The following GRK5 variants were observed in gnomAD, a reference collection of about 807,000 sequenced individuals.
The protein encoded by GRK5 is g protein-coupled receptor kinase GRK5.
A neutral mutation model predicts 78.4 loss-of-function variants in GRK5; 40 were observed. The observed-to-expected ratio is 0.51, with a 90% CI of 0.40 to 0.66. GRK5 has a LOEUF of 0.66. Ranked by LOEUF, GRK5 falls within the 30% of genes least tolerant of loss-of-function variation. GRK5 has a pLI of 0.00. For missense variants in GRK5, 598 were observed against 759.9 expected (o/e 0.79, Z 2.50); for synonymous variants, 289 against 296.8 (o/e 0.97, Z 0.27).
chr10:119,229,895 T>G (rs1393707043), intron 1 of GRK5, among the ~76,000 whole-genome samples: 4 of 152,240 alleles, frequency 2.6e-5, no homozygotes, highest in African/African-American at 7.2e-5. Context: ...CTTTTGCACA[T>G]GACAAATCTG....
intron 1 of GRK5, among the ~76,000 whole-genome samples, chr10:119,245,043 C>T (rs185451812): frequency 3.3e-5 from 5 of 152,126 alleles, no homozygotes; most frequent in African/African-American, 7.2e-5. Context: ...TTTGGGAGGC[C>T]GAGGTGGGTG....
intron 13 of GRK5, among the ~76,000 whole-genome samples, chr10:119,448,888 A>G (rs1423438148): frequency 6.6e-6 from 1 of 152,226 alleles, no homozygotes. Context: ...CAGCTGGATC[A>G]GAGGCCCAAG....
chr10:119,239,625 G>A (rs1184302233), intron 1 of GRK5, among the ~76,000 whole-genome samples: 2 of 152,112 alleles, frequency 1.3e-5, no homozygotes, highest in Non-Finnish European at 2.9e-5. Context: ...GTGGCTTGCT[G>A]CATCCATCAA....
At position 119,227,913 on chromosome 10, in the gene GRK5, C is replaced by A. The variant is rs1224324353; in HGVS notation, c.52+19944C>A. Among the ~76,000 whole-genome samples the A allele has an allele frequency of 2.6e-5, 4 of 151,950 alleles. No homozygotes were observed. The East Asian group carries it at 7.7e-4, about 29-fold the overall frequency. Reference sequence around the variant, plus strand: ...ATTTTGGTAATATAGACATCAAAAGCCTTAAAATTGGGTAACCCTTGACCT... The same window carrying A: ...ATTTTGGTAATATAGACATCAAAAGACTTAAAATTGGGTAACCCTTGACCT... On this transcript the variant is annotated intron_variant, in intron 1 of 15. Transcript: ENST00000392870.
At chr10:119,283,658 C>T (rs774278826) in intron 1 of GRK5, among the ~76,000 whole-genome samples, 2 of 152,182 alleles carry the variant, frequency 1.3e-5, no homozygotes, top group Non-Finnish European at 2.9e-5. Context: ...GGGAACATTG[C>T]CTTCTTCTGC....
Position 119,228,781 on chromosome 10 carries a change from G to A in GRK5, c.52+20812G>A, listed in dbSNP as rs145706930. Among the ~76,000 whole-genome samples, 1,109 of 152,224 alleles carry A rather than the reference G, an allele frequency of 7.3e-3. 3 individuals are homozygous for A. The highest frequency in any genetic ancestry group is 0.044 in the Middle Eastern group (13 of 294). ...AAAAGATGTCTTTTTTGGGGAGGGG[G>A]TGACAATGCCTTGTAAATGTAAGGC... On this transcript the variant is annotated intron_variant, in intron 1 of 15. Coordinates refer to ENST00000392870, the MANE Select transcript of GRK5 (RefSeq NM_005308.3).
At chr10:119,371,654 G>A (rs953484014) in intron 2 of GRK5, among the ~76,000 whole-genome samples, 1 of 152,212 alleles carries the variant, frequency 6.6e-6, no homozygotes, top group Non-Finnish European at 1.5e-5. Context: ...CGGAGCTCAG[G>A]GCCGAAGGGC....
Position 119,431,315 on chromosome 10 carries a change from C to A in GRK5, c.598-72C>A. 3 of 1,526,660 alleles carry A rather than the reference C, an allele frequency of 2.0e-6. No homozygotes were observed. Among genetic ancestry groups the A allele is most frequent in the African/African-American group, 1.4e-5 (1 of 71,942 alleles). The allele number at this position is 1,526,660 out of a possible 1,614,324, so 94.6% of individuals were successfully genotyped here. A position where few individuals can be genotyped will look rare whatever the true frequency, so the allele number is the denominator to read the frequency against. ...ATTCTCTACCTGGGAGGCCTGTGGT[C>A]CCCGCCCTGGAGGAGCTCGGGGCAG... On this transcript the variant is annotated intron_variant, in intron 7 of 15. Transcript: ENST00000392870. The surrounding 1 kb of genome is among the most constrained non-coding windows in gnomAD (Gnocchi z 4.8).
intron 1 of GRK5, among the ~76,000 whole-genome samples, chr10:119,289,664 T>C (rs1162070252): frequency 6.6e-6 from 1 of 152,218 alleles, no homozygotes; most frequent in African/African-American, 2.4e-5. Context: ...CCTTGGTCTT[T>C]GTGCACGGGC....
At chr10:119,383,687 G>A (rs1350892750) in intron 3 of GRK5, among the ~76,000 whole-genome samples, 6 of 152,184 alleles carry the variant, frequency 3.9e-5, no homozygotes, top group Non-Finnish European at 5.9e-5. Context: ...GATGCTCATC[G>A]TCTCATCAGT....
At chr10:119,323,441 G>A (rs537371453) in intron 1 of GRK5, among the ~76,000 whole-genome samples, 24 of 152,358 alleles carry the variant, frequency 1.6e-4, no homozygotes, top group African/African-American at 5.8e-4. Context: ...CCTTGCAGCT[G>A]CTGGGATGGG....
chr10:119,453,308 T>A (rs370453392), intron 15 of GRK5, 32 bp downstream of exon 15: 1 of 1,612,546 alleles, frequency 6.2e-7, no homozygotes, highest in African/African-American at 1.3e-5. Flanking sequence ...AGTCCTGGCA[T>A]CAGCTCCGAG....
chr10:119,442,456 C>T (rs1171792769), intron 11 of GRK5, among the ~76,000 whole-genome samples: 2 of 152,204 alleles, frequency 1.3e-5, no homozygotes, highest in Non-Finnish European at 2.9e-5. Flanking sequence ...CACAAGAGCC[C>T]GCAAATGAGA....
chr10:119,449,456 G>T (rs1853229653), intron 13 of GRK5, among the ~76,000 whole-genome samples: 1 of 152,196 alleles, frequency 6.6e-6, no homozygotes, highest in Admixed American at 6.5e-5. Context: ...TGGCATCAGT[G>T]TGATGGGTAA....
chr10:119,269,106 C>G (rs1375024549), intron 1 of GRK5, among the ~76,000 whole-genome samples: 1 of 152,238 alleles, frequency 6.6e-6, no homozygotes, highest in East Asian at 1.9e-4. Context: ...ATTCTAGACT[C>G]TTCCAGGCAG....
intron 1 of GRK5, among the ~76,000 whole-genome samples, chr10:119,323,558 T>C (rs1394939843): frequency 6.6e-6 from 1 of 152,174 alleles, no homozygotes; most frequent in Non-Finnish European, 1.5e-5. Context: ...GGGCTGCGGC[T>C]AGATGAGGAT....
chr10:119,422,737 A>T (rs192236953), intron 4 of GRK5, among the ~76,000 whole-genome samples: 1 of 152,200 alleles, frequency 6.6e-6, no homozygotes, highest in Admixed American at 6.5e-5. Context: ...CTCAGTGATG[A>T]GCTGGGTCAC....
rs376056965 is a variant in GRK5, at chr10:119,413,141, C to A, written c.340-10025C>A. ...CTATGGTCAAATGAAACCATGAGAC[C>A]GACACGGCGGTACCTAGGCTGGGAA... On this transcript the variant is annotated intron_variant, in intron 4 of 15. Coordinates refer to ENST00000392870, the MANE Select transcript of GRK5 (RefSeq NM_005308.3). 1.5e-4 allele frequency among the ~76,000 whole-genome samples: 23 copies of A among 152,066 alleles called. 1 individual carries two copies. In the East Asian group the frequency reaches 3.9e-3, roughly 26 times the overall value.
At chr10:119,376,992 A>T (rs966910848) in intron 2 of GRK5, among the ~76,000 whole-genome samples, 1 of 152,082 alleles carries the variant, frequency 6.6e-6, no homozygotes, top group African/African-American at 2.4e-5. Context: ...GCGTGTGTGT[A>T]TGTGCGTGCG....
Sources: gnomAD v4.1 joint callset for allele counts (sites outside exome capture counted in the v4.1 genomes callset) on GRCh38, gnomAD v4.1.1 for gene constraint, Gnocchi (gnomAD v3.1) non-coding constraint, MANE v1.5 for transcripts, NCBI Gene and HGNC (gene_info 2026-07-23, HGNC 2026-07-21) for gene names.